The following RAB2A variants were observed in gnomAD, a reference collection of about 807,000 sequenced individuals.
RAB2A encodes the protein ras-related protein Rab-2A.
RAB2A carries 7 observed loss-of-function variants against 32.5 expected under a neutral mutation model. The ratio of observed to expected loss-of-function variants is 0.22; its 90% confidence interval spans 0.12 to 0.40. RAB2A has a LOEUF of 0.40. RAB2A is among the 10% of genes least tolerant of loss of function. RAB2A has a pLI of 1.00. For synonymous variants in RAB2A, 79 were observed against 85.2 expected, an observed-to-expected ratio of 0.93 and a Z score of 0.40; for missense variants, 108 against 260.7, an observed-to-expected ratio of 0.41 and a Z score of 4.03.
intron 5 of RAB2A, among the ~76,000 whole-genome samples, chr8:60,585,364 G>A (rs1212324892): frequency 6.6e-6 from 1 of 152,050 alleles, no homozygotes; most frequent in African/African-American, 2.4e-5. Flanking sequence ...CCAGGCTAGA[G>A]TGCAGTGGTG....
At chr8:60,536,318 G>T (rs1422857386) in intron 1 of RAB2A, among the ~76,000 whole-genome samples, 1 of 152,048 alleles carries the variant, frequency 6.6e-6, no homozygotes, top group Non-Finnish European at 1.5e-5. Flanking sequence ...TCTGTCAATT[G>T]CACAAGAGTT....
chr8:60,567,259 G>A (rs1378928679), intron 2 of RAB2A, among the ~76,000 whole-genome samples: 1 of 151,948 alleles, frequency 6.6e-6, no homozygotes. Flanking sequence ...GGAATTAGAG[G>A]CACGTACCAC....
intron 6 of RAB2A, among the ~76,000 whole-genome samples, chr8:60,600,578 T>C (rs897161281): frequency 3.9e-5 from 6 of 152,142 alleles, no homozygotes; most frequent in African/African-American, 1.2e-4. Flanking sequence ...AAATGAAGAG[T>C]TAGGTTGACT....
intron 5 of RAB2A, among the ~76,000 whole-genome samples, chr8:60,585,788 A>C (rs983795922): frequency 1.3e-5 from 2 of 152,218 alleles, no homozygotes; most frequent in Non-Finnish European, 1.5e-5. Context: ...TCAAATTACT[A>C]TACATTGATA....
At chr8:60,618,137 T>C (rs1265431587) in intron 6 of RAB2A, among the ~76,000 whole-genome samples, 2 of 152,266 alleles carry the variant, frequency 1.3e-5, no homozygotes, top group East Asian at 3.8e-4. Flanking sequence ...TTCTGTAGTT[T>C]GCACTTGTTG....
chr8:60,584,973 T>C (rs574483470), intron 5 of RAB2A, among the ~76,000 whole-genome samples, 158 bp downstream of exon 5: 4 of 152,252 alleles, frequency 2.6e-5, no homozygotes, highest in Non-Finnish European at 4.4e-5. Context: ...TTTAAAATGA[T>C]GTTAATAAGC....
At chr8:60,547,454 C>T (rs1298762987) in intron 1 of RAB2A, among the ~76,000 whole-genome samples, 1 of 152,114 alleles carries the variant, frequency 6.6e-6, no homozygotes, top group Non-Finnish European at 1.5e-5. Context: ...AGGGGCTCCT[C>T]ACTTCCCAGT....
intron 6 of RAB2A, among the ~76,000 whole-genome samples, chr8:60,596,722 C>A (rs915935044): frequency 3.3e-5 from 5 of 151,962 alleles, no homozygotes; most frequent in Non-Finnish European, 7.4e-5. Context: ...GGAGATGAGA[C>A]CATCCTGGCT....
chr8:60,592,676 C>T (rs1464647744), intron 6 of RAB2A, among the ~76,000 whole-genome samples: 2 of 151,994 alleles, frequency 1.3e-5, no homozygotes, highest in Non-Finnish European at 2.9e-5. Flanking sequence ...TGAACCTGAA[C>T]TATTGGAACT....
chr8:60,550,629 C>T (rs1052885926), intron 1 of RAB2A, among the ~76,000 whole-genome samples: 3 of 152,090 alleles, frequency 2.0e-5, no homozygotes, highest in Non-Finnish European at 2.9e-5. Context: ...TCAAGTAGTC[C>T]ACCTACCTTG....
chr8:60,523,127 A>G (rs1008027854), intron 1 of RAB2A, among the ~76,000 whole-genome samples: 2 of 151,636 alleles, frequency 1.3e-5, no homozygotes, highest in African/African-American at 4.8e-5. Context: ...AAGAATAATG[A>G]TAAACACCCA....
At chr8:60,593,241 C>T (rs1213095390) in intron 6 of RAB2A, among the ~76,000 whole-genome samples, 2 of 152,292 alleles carry the variant, frequency 1.3e-5, no homozygotes, top group South Asian at 2.1e-4. Context: ...AGTGTACTTA[C>T]ATAAGCCTAG....
intron 1 of RAB2A, among the ~76,000 whole-genome samples, chr8:60,530,482 G>T (rs899089063): frequency 6.6e-6 from 1 of 151,820 alleles, no homozygotes; most frequent in South Asian, 2.1e-4. Flanking sequence ...GCAGAAATGG[G>T]TCTTGCCATG....
intron 1 of RAB2A, among the ~76,000 whole-genome samples, chr8:60,545,153 A>C (rs532635367): frequency 3.9e-5 from 6 of 152,300 alleles, no homozygotes; most frequent in African/African-American, 1.4e-4. Flanking sequence ...GTTTAGGACA[A>C]GGAAAATGAA....
chr8:60,572,279 G>A (rs975640730), intron 3 of RAB2A, among the ~76,000 whole-genome samples, 166 bp downstream of exon 3: 6 of 152,140 alleles, frequency 3.9e-5, no homozygotes, highest in South Asian at 2.1e-4. Flanking sequence ...TTTTTCTTAT[G>A]CACTGTTTTC....
chr8:60,611,876 T>C (rs748612314), intron 6 of RAB2A, among the ~76,000 whole-genome samples: 18 of 152,256 alleles, frequency 1.2e-4, no homozygotes, highest in Non-Finnish European at 2.2e-4. Context: ...TTTATGATTT[T>C]TAAAACTATT....
chr8:60,560,586 G>A (rs772286221), intron 2 of RAB2A, among the ~76,000 whole-genome samples: 5 of 152,118 alleles, frequency 3.3e-5, no homozygotes, highest in Non-Finnish European at 5.9e-5. Flanking sequence ...ATGGCACACC[G>A]AGTGGAGAGG....
intron 6 of RAB2A, among the ~76,000 whole-genome samples, chr8:60,605,851 A>G (rs1340274578): frequency 6.8e-6 from 1 of 147,398 alleles, no homozygotes; most frequent in Admixed American, 6.7e-5. Flanking sequence ...ATATATATAT[A>G]TAATGCTTCA....
At chr8:60,554,801 C>A (rs1025266916) in intron 1 of RAB2A, among the ~76,000 whole-genome samples, 1 of 151,680 alleles carries the variant, frequency 6.6e-6, no homozygotes, top group Non-Finnish European at 1.5e-5. Flanking sequence ...TGCAGTGAGC[C>A]GAGATTGCGC....
Sources: gnomAD v4.1 joint callset for allele counts (sites outside exome capture counted in the v4.1 genomes callset) on GRCh38, gnomAD v4.1.1 for gene constraint, MANE v1.5 for transcripts, NCBI Gene and HGNC (gene_info 2026-07-23, HGNC 2026-07-21) for gene names.